The following ZBTB45 variants were observed in gnomAD, a reference collection of about 807,000 sequenced individuals.
ZBTB45 encodes the protein zinc finger and BTB domain containing 45.
In ZBTB45, 22 loss-of-function variants were observed where a neutral mutation model predicts 28.4. That is an observed-to-expected ratio of 0.77 (90% CI 0.55 to 1.10). ZBTB45 has a LOEUF of 1.10. Among genes scored for constraint, ZBTB45 ranks in the 50% least tolerant of loss-of-function variants. The pLI is 0.00. For synonymous variants in ZBTB45, 361 were observed against 332.3 expected, an observed-to-expected ratio of 1.09 and a Z score of -0.94; for missense variants, 656 against 750.2, an observed-to-expected ratio of 0.87 and a Z score of 1.47.
rs1218587446 is a variant in ZBTB45 at position 58,516,991 on chromosome 19, G to C, written c.683C>G (p.Pro228Arg). The C allele has an allele frequency of 6.2e-7, 1 of 1,613,074 alleles. No homozygotes were observed. Among genetic ancestry groups the C allele is most frequent in the Non-Finnish European group, 8.5e-7 (1 of 1,180,026 alleles). The change falls in exon 2 of 3, where the codon CCA becomes CGA. Residue 228 changes from proline (P) to arginine (R), a missense_variant. Transcript: ENST00000594051. The surrounding 1 kb of genome is among the most constrained non-coding windows in gnomAD (Gnocchi z 6.2). The part of the protein sequence containing the change: ...TDGEDGEGGG[P>R]GEGQAPPSFP... ...GGAAGGAGGTGCCTGGCCCTCGCCTGGGCCGCCACCTTCGCCATCCTCGCC... is the reference window on the plus strand; with the variant it reads ...GGAAGGAGGTGCCTGGCCCTCGCCTCGGCCGCCACCTTCGCCATCCTCGCC...
rs1009919956 is a variant in ZBTB45, at chr19:58,513,805, G to C, written c.*249C>G. The C allele has an allele frequency of 1.6e-5, 7 of 424,856 alleles. No individual in the cohort carries two copies. Among genetic ancestry groups the C allele is most frequent in the Admixed American group, 9.0e-5 (2 of 22,272 alleles). 26.3% of individuals were successfully genotyped at this position (424,856 alleles called of 1,614,324 possible). On this transcript the variant is annotated 3_prime_UTR_variant, in exon 3 of 3. Coordinates refer to ENST00000594051, the MANE Select transcript of ZBTB45 (RefSeq NM_001316979.2). Reference sequence around the variant, plus strand: ...GAGCGCCCGGTTTACGCAGGAAATAGTCCAGTTCTCAGAAGTGGTCTAACC... The same window carrying C: ...GAGCGCCCGGTTTACGCAGGAAATACTCCAGTTCTCAGAAGTGGTCTAACC...
intron 1 of ZBTB45, among the ~76,000 whole-genome samples, chr19:58,528,584 A>G (rs1243452449): frequency 6.6e-6 from 1 of 151,910 alleles, no homozygotes. Context: ...ACAGGGAGAA[A>G]CCCCATCTCT....
intron 2 of ZBTB45, 60 bp from the exon 3 acceptor site, chr19:58,514,370 C>G: frequency 3.8e-6 from 5 of 1,328,260 alleles, no homozygotes; most frequent in Non-Finnish European, 4.8e-6. Context: ...CCGCCCCCAC[C>G]CCACCCCACC....
chr19:58,532,991 T>C (rs970950044), intron 1 of ZBTB45, among the ~76,000 whole-genome samples: 1 of 152,122 alleles, frequency 6.6e-6, no homozygotes, highest in Admixed American at 6.5e-5. Flanking sequence ...TGTGCCACCA[T>C]GCCTGGCTAA....
chr19:58,525,843 A>G (rs1477128530), intron 1 of ZBTB45, among the ~76,000 whole-genome samples: 2 of 152,212 alleles, frequency 1.3e-5, no homozygotes, highest in Non-Finnish European at 2.9e-5. Flanking sequence ...AATTGAGACA[A>G]TACTGAAAAC....
intron 1 of ZBTB45, among the ~76,000 whole-genome samples, chr19:58,530,712 C>T (rs1228483937): frequency 6.7e-6 from 1 of 150,340 alleles, no homozygotes; most frequent in East Asian, 2.0e-4. Flanking sequence ...GAGACAGAGT[C>T]TCGCTCTGTC....
Position 58,514,045 on chromosome 19 carries a change from C to T in ZBTB45, c.*9G>A, listed in dbSNP as rs748026258. The T allele has an allele frequency of 5.5e-5, 79 of 1,437,520 alleles. No individual in the cohort carries two copies. Among genetic ancestry groups the T allele is most frequent in the Non-Finnish European group, 7.1e-5 (78 of 1,101,722 alleles). 89.0% of individuals were successfully genotyped at this position (1,437,520 alleles called of 1,614,324 possible). A position where few individuals can be genotyped will look rare whatever the true frequency, so the allele number is the denominator to read the frequency against. The stretch of plus-strand genomic sequence containing the variant: ...GATCCACCGTGGGCGAGGCCAGGCC[C>T]CAGCGCCATCAGGGCGCAGGGTGCG... On this transcript the variant is annotated 3_prime_UTR_variant, in exon 3 of 3. Coordinates refer to ENST00000594051, the MANE Select transcript of ZBTB45 (RefSeq NM_001316979.2).
intron 2 of ZBTB45, 110 bp from the exon 3 acceptor site, chr19:58,514,420 C>T (rs1402193045): frequency 7.4e-7 from 1 of 1,351,420 alleles, no homozygotes; most frequent in Non-Finnish European, 9.9e-7. Context: ...CTCCCCTCCC[C>T]TCCCGAACCA....
Position 58,515,724 on chromosome 19 carries a change from C to T in ZBTB45, c.1279+671G>A, listed in dbSNP as rs1360161901. The stretch of plus-strand genomic sequence containing the variant: ...CTTTCCATTCCTTTGTCCTCCATCT[C>T]AGAGCCCCCAGGGAGCATCCTCACC... On this transcript the variant is annotated intron_variant, in intron 2 of 2. Transcript: ENST00000594051. The surrounding 1 kb of genome is among the most constrained non-coding windows in gnomAD (Gnocchi z 4.7). Among the ~76,000 whole-genome samples, 7 of 152,194 alleles carry T rather than the reference C, an allele frequency of 4.6e-5. No individual in the cohort carries two copies. Among genetic ancestry groups the T allele is most frequent in the Non-Finnish European group, 7.3e-5 (5 of 68,040 alleles).
rs763856525 is a variant in ZBTB45 at position 58,517,125 on chromosome 19, C to T, written c.549G>A (p.Ala183=). ...CCTCAGCCTTGGCAGGTGTTGGGGG[C>T]GCTGGCAGCTGCAAACGCGCGGGCT... ...QRQPARLQLP[A]PPTPAKAEGP... is the part of the protein sequence containing the mutation. Residue 183 remains alanine, a synonymous_variant, in exon 2 of 3, where the codon GCG becomes GCA. Transcript: ENST00000594051. The T allele has an allele frequency of 7.3e-5, 118 of 1,612,634 alleles. No individual in the cohort carries two copies. In the East Asian group the frequency reaches 2.4e-3, roughly 32 times the overall value.
chr19:58,517,143 C>G lies in ZBTB45; in HGVS notation c.531G>C (p.Ala177=). The G allele has an allele frequency of 6.2e-7, 1 of 1,612,146 alleles. No homozygotes were observed. Among genetic ancestry groups the G allele is most frequent in the Non-Finnish European group, 8.5e-7 (1 of 1,179,582 alleles). Residue 177 remains alanine, a synonymous_variant, in exon 2 of 3, where the codon GCG becomes GCC. Coordinates refer to ENST00000594051, the MANE Select transcript of ZBTB45 (RefSeq NM_001316979.2). ...TTGGGGGCGCTGGCAGCTGCAAACG[C>G]GCGGGCTGGCGCTGCTTACGGCTGT... ...AAHSRKQRQP[A]RLQLPAPPTP... is the part of the protein sequence containing the mutation.
At chr19:58,522,263 G>A (rs2122579503), upstream of ZBTB45, among the ~76,000 whole-genome samples, 1 of 151,510 alleles carries the variant, frequency 6.6e-6, no homozygotes, top group African/African-American at 2.4e-5. Context: ...ACAGGTTCAA[G>A]CGATTCTCCT....
chr19:58,538,500 G>C (rs2053673283), intron 1 of ZBTB45, among the ~76,000 whole-genome samples: 1 of 152,088 alleles, frequency 6.6e-6, no homozygotes, highest in African/African-American at 2.4e-5. Context: ...GCCCAGATCT[G>C]GGGGGCCGCG....
chr19:58,513,663 A>G lies in ZBTB45; in HGVS notation c.*391T>C, dbSNP rs1600051846. On this transcript the variant is annotated 3_prime_UTR_variant, in exon 3 of 3. Transcript: ENST00000594051. Reference sequence around the variant, plus strand: ...GGAGTAACAGCTTGGGTAGAGAGCTAGGGACCTTGCCCAGCCTGACCCTGG... The same window carrying G: ...GGAGTAACAGCTTGGGTAGAGAGCTGGGGACCTTGCCCAGCCTGACCCTGG... The G allele has an allele frequency of 1.0e-5, 2 of 197,190 alleles. No individual in the cohort carries two copies. 12.2% of individuals were successfully genotyped at this position (197,190 alleles called of 1,614,324 possible).
At chr19:58,537,506 C>T (rs550376368) in intron 1 of ZBTB45, among the ~76,000 whole-genome samples, 1 of 152,220 alleles carries the variant, frequency 6.6e-6, no homozygotes, top group South Asian at 2.1e-4. Flanking sequence ...GATAGGGTGG[C>T]AGGGGATCTA....
chr19:58,529,543 TC>T (rs1286410458), intron 1 of ZBTB45, among the ~76,000 whole-genome samples: 4 of 152,172 alleles, frequency 2.6e-5, no homozygotes, highest in African/African-American at 9.7e-5. Flanking sequence ...TAAAAACTTT[TC>T]TCCCCTCTCC....
At chr19:58,517,715 AC>A in intron 1 of ZBTB45, 42 bp from the exon 2 acceptor site, 1 of 1,568,784 alleles carries the variant, frequency 6.4e-7, no homozygotes, top group East Asian at 2.3e-5. Flanking sequence ...TCAACTGAGG[AC>A]CCCCATCTGT....
chr19:58,521,268 G>A (rs2053575993), upstream of ZBTB45, among the ~76,000 whole-genome samples: 2 of 150,664 alleles, frequency 1.3e-5, no homozygotes, highest in South Asian at 4.2e-4. Flanking sequence ...TCAGGAGGCT[G>A]AGGCAGGAGA....
At chr19:58,532,048 A>G (rs925548652) in intron 1 of ZBTB45, among the ~76,000 whole-genome samples, 11 of 151,934 alleles carry the variant, frequency 7.2e-5, no homozygotes, top group African/African-American at 1.2e-4. Flanking sequence ...CTTTCCCTGG[A>G]AGCTACAGGA....
Sources: gnomAD v4.1 joint callset for allele counts (sites outside exome capture counted in the v4.1 genomes callset) on GRCh38, gnomAD v4.1.1 for gene constraint, Gnocchi (gnomAD v3.1) non-coding constraint, MANE v1.5 for transcripts, NCBI Gene and HGNC (gene_info 2026-07-23, HGNC 2026-07-21) for gene names.